QSER1: variants seen among roughly 807,000 people sequenced by gnomAD.
The protein encoded by QSER1 is glutamine and serine-rich protein 1.
Under a neutral mutation model 158.5 loss-of-function variants are expected in QSER1, and 49 were observed. That is an observed-to-expected ratio of 0.31 (90% CI 0.25 to 0.39). The LOEUF (loss-of-function observed/expected upper bound fraction) is 0.39, where lower values mean the gene tolerates loss of function less well. Among genes scored for constraint, QSER1 ranks in the 10% least tolerant of loss-of-function variants. QSER1 has a pLI of 1.00. For missense variants in QSER1, 1,754 were observed against 2,010.3 expected, an observed-to-expected ratio of 0.87 and a Z score of 2.44; for synonymous variants, 650 against 715.5, an observed-to-expected ratio of 0.91 and a Z score of 1.46.
At chr11:32,926,123 A>T (rs191446614) in intron 1 of QSER1, 18 of 152,216 alleles carry the variant, frequency 1.2e-4, no homozygotes, top group African/African-American at 3.8e-4. Flanking sequence ...ACATCTTATA[A>T]TTTAGTTGCC....
At chr11:32,912,954 C>T (rs527679948) in intron 1 of QSER1, among the ~76,000 whole-genome samples, 243 of 152,148 alleles carry the variant, frequency 1.6e-3, no homozygotes, top group African/African-American at 5.6e-3. Context: ...TCTTGAGAGG[C>T]TCTTGATTCC....
At chr11:32,915,883 A>G (rs970624013) in intron 1 of QSER1, among the ~76,000 whole-genome samples, 1 of 152,108 alleles carries the variant, frequency 6.6e-6, no homozygotes, top group African/African-American at 2.4e-5. Context: ...TTCATGAAAA[A>G]TTAAAAATGA....
intron 4 of QSER1, among the ~76,000 whole-genome samples, chr11:32,941,819 A>G (rs945264379): frequency 6.6e-6 from 1 of 151,840 alleles, no homozygotes; most frequent in Non-Finnish European, 1.5e-5. Flanking sequence ...TGACTTCCAC[A>G]ATGGTTGAAC....
chr11:32,954,925 T>G (rs1852486256), intron 5 of QSER1, among the ~76,000 whole-genome samples: 1 of 152,264 alleles, frequency 6.6e-6, no homozygotes, highest in South Asian at 2.1e-4. Flanking sequence ...TTCTCACTAT[T>G]CACAGTTAAC....
intron 1 of QSER1, among the ~76,000 whole-genome samples, chr11:32,924,629 A>G (rs1279550661): frequency 2.0e-5 from 3 of 152,098 alleles, no homozygotes; most frequent in East Asian, 1.9e-4. Context: ...AGGCAAGCCA[A>G]TAGACTGGGA....
intron 1 of QSER1, among the ~76,000 whole-genome samples, chr11:32,924,611 G>A (rs1340854691): frequency 1.4e-5 from 2 of 146,942 alleles, no homozygotes; most frequent in Non-Finnish European, 3.0e-5. Flanking sequence ...AAATGAAAGA[G>A]AATGAAAAGG....
chr11:32,902,063 T>C (rs1851632660), intron 1 of QSER1, among the ~76,000 whole-genome samples: 1 of 152,106 alleles, frequency 6.6e-6, no homozygotes, highest in African/African-American at 2.4e-5. Flanking sequence ...AGTGTGGGCA[T>C]AGGGAGTGAG....
At chr11:32,970,146 G>T (rs1457436330) in intron 10 of QSER1, among the ~76,000 whole-genome samples, 1 of 151,966 alleles carries the variant, frequency 6.6e-6, no homozygotes, top group Non-Finnish European at 1.5e-5. Context: ...TTTAATTGAT[G>T]GTAACAATAT....
At chr11:32,965,223 C>T (rs966039901) in intron 8 of QSER1, among the ~76,000 whole-genome samples, 21 of 152,092 alleles carry the variant, frequency 1.4e-4, no homozygotes, top group Non-Finnish European at 8.8e-5. Flanking sequence ...GCAATCCTCC[C>T]GCCTCAGCCT....
At chr11:32,939,806 C>G (rs1852203182) in intron 4 of QSER1, among the ~76,000 whole-genome samples, 2 of 152,108 alleles carry the variant, frequency 1.3e-5, no homozygotes, top group Non-Finnish European at 2.9e-5. Context: ...CTTGTGCATC[C>G]TAGGTATGAA....
chr11:32,955,509 G>T (rs935709819), intron 6 of QSER1, 97 bp downstream of exon 6: 7 of 585,422 alleles, frequency 1.2e-5, no homozygotes, highest in African/African-American at 2.0e-5. Flanking sequence ...GAATATTTTT[G>T]ATATAAAGTA....
At chr11:32,897,777 C>A (rs1402243739) in intron 1 of QSER1, among the ~76,000 whole-genome samples, 1 of 152,194 alleles carries the variant, frequency 6.6e-6, no homozygotes. Context: ...ACCTCTTTGA[C>A]CTTTTACTTG....
At chr11:32,963,640 C>T (rs756173072) in intron 8 of QSER1, among the ~76,000 whole-genome samples, 74 of 150,708 alleles carry the variant, frequency 4.9e-4, no homozygotes, top group Non-Finnish European at 9.5e-4. Context: ...CATGAGCCAC[C>T]GCATCCAGCC....
rs755573076 is a variant in QSER1 at position 32,954,067 on chromosome 11, C to T, written c.4388C>T (p.Thr1463Ile). 15 of 1,614,054 alleles carry T rather than the reference C, an allele frequency of 9.3e-6. No individual in the cohort carries two copies. The highest frequency in any genetic ancestry group is 2.7e-5 in the African/African-American group (2 of 74,940). ...GACCAGTTTGCAAAAGGACAGGACA[C>T]TGTTGCCATAGAAGGTTTTACAGAT... Reference protein sequence around the residue: ...PSDQFAKGQDTVAIEGFTDEE... With the variant: ...PSDQFAKGQDIVAIEGFTDEE... Residue 1463 changes from threonine to isoleucine, a missense_variant, in exon 5 of 13, where the codon ACT (threonine) becomes ATT (isoleucine). Transcript: ENST00000650167.
Position 32,935,180 on chromosome 11 carries a change from C to T in QSER1, c.3922C>T (p.Pro1308Ser). The change falls in exon 4 of 13, where the codon CCA (proline) becomes TCA (serine). Residue 1308 changes from proline (P) to serine (S), a missense_variant. Coordinates refer to ENST00000650167, the MANE Select transcript of QSER1 (RefSeq NM_001076786.3). ...ACGAATGCCTAACAGGACTAGACGG[C>T]CAGGGACCCAGATGGTTCGTACATT... is the stretch of plus-strand genomic sequence containing the variant. ...AVRMPNRTRR[P>S]GTQMVRTFCP... The T allele has an allele frequency of 6.2e-7, 1 of 1,614,032 alleles. No homozygotes were observed. The highest frequency in any genetic ancestry group is 8.5e-7 in the Non-Finnish European group (1 of 1,179,970).
At chr11:32,931,407 C>T (rs529830459) in intron 3 of QSER1, among the ~76,000 whole-genome samples, 1 of 152,004 alleles carries the variant, frequency 6.6e-6, no homozygotes, top group Admixed American at 6.6e-5. Flanking sequence ...TGCAAGACCC[C>T]ATCTCTACAA....
intron 11 of QSER1, among the ~76,000 whole-genome samples, chr11:32,974,726 G>A (rs969340362): frequency 2.0e-5 from 3 of 152,158 alleles, no homozygotes; most frequent in Non-Finnish European, 4.4e-5. Context: ...GTTTGTATTT[G>A]GGGAGGATGG....
rs1360377166 is a variant in QSER1, at chr11:32,979,741, C to T, written c.*3267C>T. 6.6e-6 allele frequency: 1 copy of T among 152,144 alleles called. No homozygotes were observed. The highest frequency in any genetic ancestry group is 1.9e-4 in the East Asian group (1 of 5,204). The allele number at this position is 152,144 out of a possible 1,614,324, so 9.4% of individuals were successfully genotyped here. On this transcript the variant is annotated 3_prime_UTR_variant, in exon 13 of 13. Transcript: ENST00000650167. ...AAAGTGTGATTTTCCTTTTAATATA[C>T]ATATTTATTTTCTTTAAAGCAGCTA...
chr11:32,952,153 A>G (rs1446107732), intron 4 of QSER1, among the ~76,000 whole-genome samples: 3 of 152,100 alleles, frequency 2.0e-5, no homozygotes, highest in Non-Finnish European at 2.9e-5. Flanking sequence ...GGGATTTTCT[A>G]TATACAAGAT....
Sources: allele counts gnomAD v4.1 joint callset (sites outside exome capture counted in the v4.1 genomes callset), GRCh38; gene constraint gnomAD v4.1.1; transcripts MANE v1.5; gene names NCBI Gene and HGNC (gene_info 2026-07-23, HGNC 2026-07-21).